Variants in NELL1 observed in about 807,000 individuals in gnomAD.
NELL1 encodes the protein protein kinase C-binding protein NELL1.
In NELL1, 76 loss-of-function variants were observed where a neutral mutation model predicts 107.4. That is an observed-to-expected ratio of 0.71 (90% CI 0.59 to 0.86). NELL1 has a LOEUF of 0.86. Among genes scored for constraint, NELL1 ranks in the 40% least tolerant of loss-of-function variants. The probability of loss-of-function intolerance (pLI) is 0.00; values close to 1 mark genes in which losing one functional copy is unlikely to be tolerated. For missense variants in NELL1, 1,024 were observed against 1,005.5 expected, an observed-to-expected ratio of 1.02 and a Z score of -0.25; for synonymous variants, 353 against 341.2, an observed-to-expected ratio of 1.03 and a Z score of -0.38.
chr11:20,860,633 C>A (rs879874466), intron 4 of NELL1, among the ~76,000 whole-genome samples: 2 of 152,174 alleles, frequency 1.3e-5, no homozygotes, highest in Non-Finnish European at 2.9e-5. Flanking sequence ...AAGGTGAAGA[C>A]GAAGTAATCC....
intron 14 of NELL1, among the ~76,000 whole-genome samples, chr11:21,271,868 A>C (rs937103515): frequency 2.6e-5 from 4 of 152,246 alleles, no homozygotes; most frequent in African/African-American, 9.6e-5. Context: ...AAAAGGCTAA[A>C]GAAGAAAAAT....
chr11:21,367,260 C>T (rs1339931902), intron 14 of NELL1, among the ~76,000 whole-genome samples: 1 of 76,012 alleles, frequency 1.3e-5, no homozygotes, highest in Non-Finnish European at 2.6e-5. Context: ...GTTTATCTTA[C>T]TACACACACA....
chr11:20,810,564 G>T (rs1006126907), intron 3 of NELL1, among the ~76,000 whole-genome samples: 3 of 152,202 alleles, frequency 2.0e-5, no homozygotes, highest in Middle Eastern at 3.4e-3. Flanking sequence ...CCTTTTTATG[G>T]CTGAGTAATA....
chr11:21,105,503 G>A lies in NELL1; in HGVS notation c.1301-8086G>A, dbSNP rs148654528. Among the ~76,000 whole-genome samples the A allele has an allele frequency of 2.7e-3, 416 of 152,240 alleles. 2 individuals are homozygous for A. Among genetic ancestry groups the A allele is most frequent in the African/African-American group, 9.4e-3 (392 of 41,566 alleles). On this transcript the variant is annotated intron_variant, in intron 12 of 19. Coordinates refer to ENST00000357134, the MANE Select transcript of NELL1 (RefSeq NM_006157.5). Reference sequence around the variant, plus strand: ...GTTGCCTGCTCCCTACTGTGAATGTGGTTGACAAAGAAAGGAGAAGATGGA... The same window carrying A: ...GTTGCCTGCTCCCTACTGTGAATGTAGTTGACAAAGAAAGGAGAAGATGGA...
intron 13 of NELL1, among the ~76,000 whole-genome samples, chr11:21,182,114 C>A (rs578258398): frequency 4.6e-5 from 7 of 151,768 alleles, no homozygotes; most frequent in Admixed American, 2.0e-4. Flanking sequence ...TTCTAGCAGA[C>A]GCCAGCCAGA....
At chr11:20,882,930 T>G (rs1289801007) in intron 4 of NELL1, among the ~76,000 whole-genome samples, 1 of 152,262 alleles carries the variant, frequency 6.6e-6, no homozygotes, top group East Asian at 1.9e-4. Flanking sequence ...GCAGTTATTT[T>G]GTGGACTGTC....
At chr11:20,677,269 T>A (rs758928723) in intron 1 of NELL1, among the ~76,000 whole-genome samples, 1 of 152,162 alleles carries the variant, frequency 6.6e-6, no homozygotes, top group Non-Finnish European at 1.5e-5. Context: ...CACAGGTGAT[T>A]GTGACTGATT....
At chr11:21,295,867 C>T (rs1849364543) in intron 14 of NELL1, among the ~76,000 whole-genome samples, 2 of 152,000 alleles carry the variant, frequency 1.3e-5, no homozygotes, top group African/African-American at 4.8e-5. Flanking sequence ...AATGACTTAA[C>T]TTCACAAAGG....
intron 15 of NELL1, among the ~76,000 whole-genome samples, chr11:21,378,066 C>A (rs1006461931): frequency 2.0e-5 from 3 of 151,894 alleles, no homozygotes; most frequent in Non-Finnish European, 4.4e-5. Context: ...TCATACCTAT[C>A]ACCTTAAACC....
chr11:20,862,314 T>C (rs747698620), intron 4 of NELL1, among the ~76,000 whole-genome samples: 3 of 152,132 alleles, frequency 2.0e-5, no homozygotes, highest in Non-Finnish European at 4.4e-5. Context: ...ATTTTAGTTC[T>C]GTTTTGGCAT....
chr11:20,905,129 C>T (rs1367224746), intron 5 of NELL1, among the ~76,000 whole-genome samples: 3 of 151,880 alleles, frequency 2.0e-5, no homozygotes, highest in African/African-American at 4.8e-5. Flanking sequence ...TGTGAGCCAC[C>T]TTGCCTGGCC....
intron 15 of NELL1, among the ~76,000 whole-genome samples, chr11:21,373,741 C>T (rs975344931): frequency 2.6e-5 from 4 of 152,054 alleles, no homozygotes; most frequent in Non-Finnish European, 5.9e-5. Context: ...CTTTTCATAA[C>T]CCCCCTTAAG....
intron 1 of NELL1, among the ~76,000 whole-genome samples, chr11:20,675,260 T>C (rs117760143): frequency 6.6e-6 from 1 of 152,296 alleles, no homozygotes; most frequent in Non-Finnish European, 1.5e-5. Context: ...ACTCCCATTG[T>C]AGTGGAAGGA....
At chr11:21,365,941 C>A (rs1180561946) in intron 14 of NELL1, among the ~76,000 whole-genome samples, 3 of 152,042 alleles carry the variant, frequency 2.0e-5, no homozygotes, top group Non-Finnish European at 2.9e-5. Context: ...ACATTTTGGG[C>A]CAGATCATTC....
chr11:21,169,353 C>T (rs1037140019), intron 13 of NELL1, among the ~76,000 whole-genome samples: 1 of 151,752 alleles, frequency 6.6e-6, no homozygotes, highest in African/African-American at 2.4e-5. Context: ...CTAGAAAGAA[C>T]AGCATGTTCT....
At chr11:21,441,009 T>C (rs1329768908) in intron 15 of NELL1, among the ~76,000 whole-genome samples, 1 of 152,142 alleles carries the variant, frequency 6.6e-6, no homozygotes, top group Non-Finnish European at 1.5e-5. Flanking sequence ...GTAGGTGTTA[T>C]TTATATTTAG....
intron 2 of NELL1, among the ~76,000 whole-genome samples, chr11:20,694,521 G>A (rs1180155014): frequency 6.6e-6 from 1 of 151,926 alleles, no homozygotes; most frequent in African/African-American, 2.4e-5. Context: ...ATTGAATAGG[G>A]GGTCCTTTCC....
chr11:20,809,777 A>G (rs1857460408), intron 3 of NELL1, among the ~76,000 whole-genome samples: 2 of 152,208 alleles, frequency 1.3e-5, no homozygotes, highest in African/African-American at 4.8e-5. Flanking sequence ...TCATTGATGG[A>G]CATTTATACT....
intron 12 of NELL1, among the ~76,000 whole-genome samples, chr11:20,996,252 T>C (rs1852088290): frequency 6.6e-6 from 1 of 152,126 alleles, no homozygotes; most frequent in African/African-American, 2.4e-5. Context: ...CCTCACAGCT[T>C]TTGGAGACCT....
Sources: allele counts gnomAD v4.1 joint callset (sites outside exome capture counted in the v4.1 genomes callset), GRCh38; gene constraint gnomAD v4.1.1; transcripts MANE v1.5; gene names NCBI Gene and HGNC (gene_info 2026-07-23, HGNC 2026-07-21).